ITGBL1: variants seen among roughly 807,000 people sequenced by gnomAD.
ITGBL1 encodes integrin subunit beta like 1.
Under a neutral mutation model 68.5 loss-of-function variants are expected in ITGBL1, and 51 were observed. The observed-to-expected ratio is 0.74, with a 90% CI of 0.59 to 0.94. ITGBL1 has a LOEUF of 0.94. Ranked by LOEUF, ITGBL1 falls within the 40% of genes least tolerant of loss-of-function variation. The probability of loss-of-function intolerance (pLI) is 0.00; values close to 1 mark genes in which losing one functional copy is unlikely to be tolerated. For synonymous variants in ITGBL1, 209 were observed against 227.3 expected, an observed-to-expected ratio of 0.92 and a Z score of 0.72; for missense variants, 649 against 647.4, an observed-to-expected ratio of 1.00 and a Z score of -0.03.
intron 2 of ITGBL1, among the ~76,000 whole-genome samples, chr13:101,470,071 T>G (rs983835748): frequency 6.6e-6 from 1 of 152,162 alleles, no homozygotes; most frequent in African/African-American, 2.4e-5. Flanking sequence ...CCTAGCCTCA[T>G]TAGCTGTGAG....
intron 2 of ITGBL1, among the ~76,000 whole-genome samples, chr13:101,500,506 CAG>C (rs1481428815): frequency 6.6e-6 from 1 of 152,176 alleles, no homozygotes; most frequent in African/African-American, 2.4e-5. Context: ...CAAAATTCTT[CAG>C]AGATTATTAT....
chr13:101,539,017 G>T (rs1464494875), intron 2 of ITGBL1, among the ~76,000 whole-genome samples: 1 of 146,278 alleles, frequency 6.8e-6, no homozygotes, highest in African/African-American at 2.5e-5. Flanking sequence ...CGGTTGCGGA[G>T]TGTGTGACTT....
At chr13:101,675,969 T>G (rs2033491785) in intron 7 of ITGBL1, among the ~76,000 whole-genome samples, 1 of 152,206 alleles carries the variant, frequency 6.6e-6, no homozygotes, top group Non-Finnish European at 1.5e-5. Flanking sequence ...TTAATTTTAC[T>G]GTATTTTTAA....
chr13:101,508,275 A>G (rs1418493279), intron 2 of ITGBL1, among the ~76,000 whole-genome samples: 1 of 152,312 alleles, frequency 6.6e-6, no homozygotes, highest in East Asian at 1.9e-4. Context: ...TTTTATACAC[A>G]TTTGTAATAC....
chr13:101,539,685 C>T (rs941869863), intron 2 of ITGBL1, among the ~76,000 whole-genome samples: 2 of 151,394 alleles, frequency 1.3e-5, no homozygotes, highest in African/African-American at 4.9e-5. Context: ...AAAAGTGTTC[C>T]TATTTCTCCA....
At position 101,650,297 on chromosome 13, in the gene ITGBL1, T is replaced by G. The variant is rs948278256; in HGVS notation, c.1016-42288T>G. 3.0e-4 allele frequency among the ~76,000 whole-genome samples: 45 copies of G among 152,236 alleles called. 1 individual carries two copies. The highest frequency in any genetic ancestry group is 1.0e-3 in the African/African-American group (43 of 41,466). Reference sequence around the variant, plus strand: ...AATATTAAGTTAGTTTGTGTTTAAATGAACTAATTGTTTTGCAAATGTGTT... The same window carrying G: ...AATATTAAGTTAGTTTGTGTTTAAAGGAACTAATTGTTTTGCAAATGTGTT... On this transcript the variant is annotated intron_variant, in intron 7 of 10. Transcript: ENST00000376180.
intron 7 of ITGBL1, among the ~76,000 whole-genome samples, chr13:101,654,550 A>C (rs1314562997): frequency 6.6e-6 from 1 of 152,198 alleles, no homozygotes; most frequent in Non-Finnish European, 1.5e-5. Flanking sequence ...GGTCTGAGTT[A>C]CTGTCTGAAG....
At chr13:101,630,771 T>G (rs2031951223) in intron 7 of ITGBL1, among the ~76,000 whole-genome samples, 1 of 152,190 alleles carries the variant, frequency 6.6e-6, no homozygotes, top group African/African-American at 2.4e-5. Context: ...ATTTTACAAG[T>G]GTACTTTTAT....
intron 6 of ITGBL1, among the ~76,000 whole-genome samples, chr13:101,587,337 A>G (rs1462683683): frequency 6.6e-6 from 1 of 152,206 alleles, no homozygotes; most frequent in Non-Finnish European, 1.5e-5. Context: ...TCCACAAAAT[A>G]TGTGTGTTTG....
chr13:101,573,949 C>T (rs367755202), intron 3 of ITGBL1, among the ~76,000 whole-genome samples: 50 of 152,106 alleles, frequency 3.3e-4, no homozygotes, highest in Non-Finnish European at 5.6e-4. Flanking sequence ...CTAAACTCAT[C>T]GCATCATGTG....
chr13:101,462,417 C>A (rs948510322), intron 2 of ITGBL1, among the ~76,000 whole-genome samples: 2 of 152,110 alleles, frequency 1.3e-5, no homozygotes, highest in Non-Finnish European at 2.9e-5. Context: ...GCATAGTCAC[C>A]CTCCTATAAA....
At position 101,454,399 on chromosome 13, in the gene ITGBL1, TCCCCCCCC is replaced by T. The variant is rs10524609; in HGVS notation, c.316+308_316+315del. ...GATCTTGCTATGTTGCCCTGGCTGG[TCCCCCCCC>T]CCCCCCCCAACTCCTGGAATCAAGC... On this transcript the variant is annotated intron_variant, in intron 2 of 10. Coordinates refer to ENST00000376180, the MANE Select transcript of ITGBL1 (RefSeq NM_004791.3). Among the ~76,000 whole-genome samples the T allele has an allele frequency of 1.8e-3, 250 of 135,904 alleles. 5 individuals are homozygous for T. Among genetic ancestry groups the T allele is most frequent in the African/African-American group, 6.0e-3 (238 of 39,696 alleles). The allele number at this position is 135,904 out of a possible 152,430, so 89.2% of individuals were successfully genotyped here. A position where few individuals can be genotyped will look rare whatever the true frequency, so the allele number is the denominator to read the frequency against.
rs571849064 is a variant in ITGBL1, at chr13:101,568,613, A to G, written c.463+768A>G. Among the ~76,000 whole-genome samples, 4 of 152,108 alleles carry G rather than the reference A, an allele frequency of 2.6e-5. No individual in the cohort carries two copies. In the East Asian group the frequency reaches 7.8e-4, roughly 30 times the overall value. On this transcript the variant is annotated intron_variant, in intron 3 of 10. Coordinates refer to ENST00000376180, the MANE Select transcript of ITGBL1 (RefSeq NM_004791.3). ...TCAAGTGCTTTGGTGTGTGGCCTTG[A>G]CGTTGGTGGTTTTTTTAAAGCTCTC...
At chr13:101,519,097 A>C (rs1043831965) in intron 2 of ITGBL1, among the ~76,000 whole-genome samples, 4 of 152,208 alleles carry the variant, frequency 2.6e-5, no homozygotes, top group African/African-American at 9.6e-5. Context: ...GTACGCATTA[A>C]AAATACGTAT....
chr13:101,496,775 T>A (rs2048863582), intron 2 of ITGBL1, among the ~76,000 whole-genome samples: 1 of 152,228 alleles, frequency 6.6e-6, no homozygotes, highest in Admixed American at 6.5e-5. Context: ...CTTCCTGTTC[T>A]GACTTTCAGG....
intron 2 of ITGBL1, among the ~76,000 whole-genome samples, chr13:101,557,394 T>G (rs901989379): frequency 6.6e-6 from 1 of 152,256 alleles, no homozygotes; most frequent in African/African-American, 2.4e-5. Context: ...TATGCACATA[T>G]AAATGTGCAT....
chr13:101,533,387 A>T (rs1214519811), intron 2 of ITGBL1, among the ~76,000 whole-genome samples: 1 of 152,192 alleles, frequency 6.6e-6, no homozygotes, highest in East Asian at 1.9e-4. Context: ...CAGGGATTGG[A>T]CCTACTGTCT....
chr13:101,563,742 A>G (rs1035107758), intron 2 of ITGBL1, among the ~76,000 whole-genome samples: 1 of 151,944 alleles, frequency 6.6e-6, no homozygotes, highest in African/African-American at 2.4e-5. Flanking sequence ...TGCTGATTCT[A>G]TACTACCTCT....
chr13:101,473,902 TA>T (rs565769877), intron 2 of ITGBL1, among the ~76,000 whole-genome samples: 18 of 152,182 alleles, frequency 1.2e-4, no homozygotes, highest in Non-Finnish European at 2.5e-4. Context: ...ATCACCTGGC[TA>T]AAGAGCACCT....
Sources: allele counts gnomAD v4.1 joint callset (sites outside exome capture counted in the v4.1 genomes callset), GRCh38; gene constraint gnomAD v4.1.1; transcripts MANE v1.5; gene names NCBI Gene and HGNC (gene_info 2026-07-23, HGNC 2026-07-21).